Variants in BRWD1 observed in about 807,000 individuals in gnomAD.
BRWD1 encodes the protein bromodomain and WD repeat domain containing 1.
Under a neutral mutation model 251.2 loss-of-function variants are expected in BRWD1, and 82 were observed. That is an observed-to-expected ratio of 0.33 (90% CI 0.27 to 0.39). The LOEUF is 0.39. Among genes scored for constraint, BRWD1 ranks in the 10% least tolerant of loss-of-function variants. BRWD1 has a pLI of 1.00. For synonymous variants in BRWD1, 918 were observed against 902.8 expected (o/e 1.02, Z -0.30); for missense variants, 2,233 against 2,711.6 (o/e 0.82, Z 3.92).
intron 4 of BRWD1, 70 bp from the exon 5 acceptor site, chr21:39,298,652 G>A: frequency 7.7e-7 from 1 of 1,298,970 alleles, no homozygotes. Context: ...TTAGGGATAA[G>A]TCTGGCAAAA....
chr21:39,264,208 C>G (rs149017071), intron 17 of BRWD1, among the ~76,000 whole-genome samples: 27 of 152,080 alleles, frequency 1.8e-4, no homozygotes, highest in African/African-American at 6.5e-4. Context: ...ATAGTATTAT[C>G]TGAGTGTAAA....
Position 39,199,033 on chromosome 21 carries a change from G to T in BRWD1, c.5383C>A (p.Pro1795Thr), listed in dbSNP as rs186057504. 6.2e-7 allele frequency: 1 copy of T among 1,613,900 alleles called. No homozygotes were observed. Among genetic ancestry groups the T allele is most frequent in the Admixed American group, 1.7e-5 (1 of 59,998 alleles). ...ESISEEADSE[P>T]GRSGGRKYNT... ...TATTTCCTACCACCAGATCTTCCTGGTTCAGAATCTGCTTCCTCTGAGATG... is the reference window on the plus strand; with the variant it reads ...TATTTCCTACCACCAGATCTTCCTGTTTCAGAATCTGCTTCCTCTGAGATG... The change falls in exon 40 of 41, where the codon CCA becomes ACA. Residue 1795 changes from proline (P) to threonine (T), a missense_variant. Pro to Thr is a conservative substitution (Grantham distance 38). Transcript: ENST00000342449.
Position 39,187,411 on chromosome 21 carries a change from A to C in BRWD1, c.*8848T>G. 6.5e-7 allele frequency: 1 copy of C among 1,548,712 alleles called. No homozygotes were observed. Among genetic ancestry groups the C allele is most frequent in the Non-Finnish European group, 8.7e-7 (1 of 1,151,146 alleles). On this transcript the variant is annotated 3_prime_UTR_variant, in exon 41 of 41. Transcript: ENST00000342449. ...TGTATTGGGTTCTCTGTCTCTAGGA[A>C]CAAATTCTGAAAAATGAGTGAAAGT...
intron 38 of BRWD1, chr21:39,200,597 T>G (rs2032060514): frequency 2.7e-6 from 1 of 370,190 alleles, no homozygotes; most frequent in Non-Finnish European, 4.8e-6. Context: ...TCCAAATAGT[T>G]TTTAATTATA....
chr21:39,197,241 C>T lies in BRWD1; in HGVS notation c.5828G>A (p.Ser1943Asn), dbSNP rs763549838. The T allele has an allele frequency of 5.0e-5, 81 of 1,613,956 alleles. 1 individual carries two copies. The highest frequency in any genetic ancestry group is 6.7e-5 in the Non-Finnish European group (79 of 1,179,946). Residue 1943 changes from serine (S) to asparagine (N), a missense_variant, in exon 41 of 41, where the codon AGT becomes AAT. Ser to Asn is a conservative substitution (Grantham distance 46). This residue lies in a region of BRWD1 where 928 missense variants were observed against 970.0 expected (regional missense o/e 0.96). Coordinates refer to ENST00000342449, the MANE Select transcript of BRWD1 (RefSeq NM_033656.4). ...ATAANKIKLMSDVEDVSLENV... is the reference protein window; with the variant it reads ...ATAANKIKLMNDVEDVSLENV... ...TTCTAAACTGACATCTTCTACATCACTCATGAGCTTGATCTTATTGGCAGC... is the reference window on the plus strand; with the variant it reads ...TTCTAAACTGACATCTTCTACATCATTCATGAGCTTGATCTTATTGGCAGC...
intron 18 of BRWD1, among the ~76,000 whole-genome samples, chr21:39,256,495 T>G (rs1296766190): frequency 6.6e-6 from 1 of 152,140 alleles, no homozygotes; most frequent in Admixed American, 6.5e-5. Context: ...AAACTAAAGC[T>G]GGGCAGGTGG....
rs368481106 is a variant in BRWD1 at position 39,258,614 on chromosome 21, G to C, written c.1944C>G (p.Arg648=). Residue 648 remains arginine, a synonymous_variant, in exon 18 of 41, where the codon CGC becomes CGG. Transcript: ENST00000342449. The part of the protein sequence containing the change: ...ISLQTNDNDE[R]SPESSILDGM... ...CATCAAGAATACTCGATTCTGGGCT[G>C]CGTTCATCATTATCATTGGTTTGCA... The C allele has an allele frequency of 7.6e-5, 123 of 1,611,634 alleles. No homozygotes were observed. The highest frequency in any genetic ancestry group is 9.7e-5 in the Non-Finnish European group (114 of 1,178,788).
chr21:39,217,051 T>TATATAAA (rs2032955568), intron 31 of BRWD1: 1 of 21,202 alleles, frequency 4.7e-5, no homozygotes, highest in African/African-American at 1.6e-4. Flanking sequence ...ATATATATAT[T>TATATAAA]TATATATATA....
chr21:39,287,129 C>T lies in BRWD1; in HGVS notation c.831+6682G>A, dbSNP rs564211766. ...TACATAACTATGATTATCAATACTT[C>T]GAAAACTTACTATTGATAAAACATT... On this transcript the variant is annotated intron_variant, in intron 8 of 40. Coordinates refer to ENST00000342449, the MANE Select transcript of BRWD1 (RefSeq NM_033656.4). 7.9e-5 allele frequency among the ~76,000 whole-genome samples: 12 copies of T among 152,252 alleles called. No individual in the cohort carries two copies. The South Asian group carries it at 1.5e-3, about 18-fold the overall frequency.
In BRWD1 at chr21:39,199,368, C is replaced by T. The variant is rs774634358; in HGVS notation, c.5048G>A (p.Ser1683Asn). The change falls in exon 40 of 41, where the codon AGC becomes AAC. Residue 1683 changes from serine (S) to asparagine (N), a missense_variant. Ser to Asn is a conservative substitution (Grantham distance 46, BLOSUM62 1). Transcript: ENST00000342449. ...KLLHNSEDEQ[S>N]LKSEIEEEEL... ...CTCTTCTTCAATTTCTGACTTTAAG[C>T]TCTGTTCATCTTCAGAATTATGTAA... 25 of 1,614,076 alleles carry T rather than the reference C, an allele frequency of 1.5e-5. No homozygotes were observed. The highest frequency in any genetic ancestry group is 2.0e-5 in the Non-Finnish European group (24 of 1,180,046).
At chr21:39,290,803 C>T (rs1407286641) in intron 8 of BRWD1, among the ~76,000 whole-genome samples, 1 of 152,088 alleles carries the variant, frequency 6.6e-6, no homozygotes, top group East Asian at 1.9e-4. Context: ...AAAGTAAGTA[C>T]ACAAACCAAA....
At chr21:39,214,951 C>T (rs1013493824) in intron 32 of BRWD1, among the ~76,000 whole-genome samples, 1 of 147,804 alleles carries the variant, frequency 6.8e-6, no homozygotes, top group African/African-American at 2.5e-5. Context: ...GCACGATCCA[C>T]ACACGATTGG....
intron 34 of BRWD1, 106 bp from the exon 35 acceptor site, chr21:39,211,035 T>C (rs1307165174): frequency 8.7e-7 from 1 of 1,145,312 alleles, no homozygotes; most frequent in Non-Finnish European, 1.2e-6. Context: ...TAATGTCATA[T>C]ATGTTGCTCT....
chr21:39,295,171 CTA>C (rs2035922359), intron 7 of BRWD1, among the ~76,000 whole-genome samples: 3 of 111,678 alleles, frequency 2.7e-5, no homozygotes, highest in African/African-American at 3.3e-5. Flanking sequence ...TTAGGTATGT[CTA>C]TGTTTTTTTT....
At chr21:39,219,237 G>A (rs200479069) in intron 29 of BRWD1, among the ~76,000 whole-genome samples, 4 of 151,902 alleles carry the variant, frequency 2.6e-5, no homozygotes, top group Non-Finnish European at 5.9e-5. Flanking sequence ...CCTGGCCAAC[G>A]TGGCAAAACC....
At chr21:39,255,101 G>T (rs2034518466) in intron 19 of BRWD1, among the ~76,000 whole-genome samples, 1 of 152,092 alleles carries the variant, frequency 6.6e-6, no homozygotes, top group African/African-American at 2.4e-5. Context: ...AAAAGTGGGT[G>T]TGTGTGTGCA....
chr21:39,230,389 A>G (rs1367191243), intron 25 of BRWD1, among the ~76,000 whole-genome samples: 1 of 152,220 alleles, frequency 6.6e-6, no homozygotes, highest in African/African-American at 2.4e-5. Flanking sequence ...AGTGCTAAGC[A>G]TAGTTTTCAT....
Position 39,274,304 on chromosome 21 carries a change from C to CGA in BRWD1, c.1244+68_1244+69dup, listed in dbSNP as rs56135543. ...AATAACCACTGAGAGACACAGAGAG[C>CGA]GAGAGAGAGAGAGAGAGAGAGACAG... On this transcript the variant is annotated intron_variant, in intron 13 of 40. Transcript: ENST00000342449. 7,253 of 991,168 alleles carry CGA rather than the reference C, an allele frequency of 7.3e-3. 14 individuals carry two copies. The highest frequency in any genetic ancestry group is 0.035 in the Admixed American group (1,924 of 55,042). 61.4% of individuals were successfully genotyped at this position (991,168 alleles called of 1,614,324 possible).
rs1015878442 is a variant in BRWD1 at position 39,193,307 on chromosome 21, T to C, written c.*2952A>G. ...AACTGAGAAATGATTTAATCAGATATTTGCCACTTACAAAAAGGGAGGCTG... is the reference window on the plus strand; with the variant it reads ...AACTGAGAAATGATTTAATCAGATACTTGCCACTTACAAAAAGGGAGGCTG... On this transcript the variant is annotated 3_prime_UTR_variant, in exon 41 of 41. Transcript: ENST00000342449. The C allele has an allele frequency of 8.1e-6, 8 of 985,064 alleles. No individual in the cohort carries two copies. In the African/African-American group the frequency reaches 1.4e-4, roughly 17 times the overall value. 61.0% of individuals were successfully genotyped at this position (985,064 alleles called of 1,614,324 possible).
Sources: allele counts gnomAD v4.1 joint callset (sites outside exome capture counted in the v4.1 genomes callset), GRCh38; gene constraint gnomAD v4.1.1; regional missense constraint gnomAD v4.1.1; transcripts MANE v1.5; gene names NCBI Gene and HGNC (gene_info 2026-07-23, HGNC 2026-07-21).